ADAP2: variants seen among roughly 807,000 people sequenced by gnomAD.
ADAP2 encodes the protein ArfGAP with dual PH domains 2, also known as arf-GAP with dual PH domain-containing protein 2.
Under a neutral mutation model 54.9 loss-of-function variants are expected in ADAP2, and 42 were observed. The ratio of observed to expected loss-of-function variants is 0.77; its 90% CI spans 0.60 to 0.99. The LOEUF is 0.99. Among genes scored for constraint, ADAP2 ranks in the 50% least tolerant of loss-of-function variants. The pLI is 0.00. For synonymous variants in ADAP2, 177 were observed against 180.1 expected, an observed-to-expected ratio of 0.98 and a Z score of 0.14; for missense variants, 429 against 480.4, an observed-to-expected ratio of 0.89 and a Z score of 1.00.
intron 8 of ADAP2, 80 bp downstream of exon 8, chr17:30,953,430 A>G: frequency 6.9e-7 from 1 of 1,454,232 alleles, no homozygotes; most frequent in Middle Eastern, 1.7e-4. Context: ...GATGATTGTT[A>G]AGAGGACAGT....
At position 30,956,392 on chromosome 17, in the gene ADAP2, G is replaced by T. The variant is rs754179444; in HGVS notation, c.1034G>T (p.Ser345Ile). Residue 345 changes from serine to isoleucine, a missense_variant, in exon 10 of 11, where the codon AGT (serine) becomes ATT (isoleucine). Ser to Ile is a moderately radical substitution (Grantham distance 142). Transcript: ENST00000330889. Reference sequence around the variant, plus strand: ...CGGAGATTTGTCCTCACTTGCCCCAGTGAGAAGGAACAGCAGGAATGGCTG... The same window carrying T: ...CGGAGATTTGTCCTCACTTGCCCCATTGAGAAGGAACAGCAGGAATGGCTG... Reference protein sequence around the residue: ...PERRFVLTCPSEKEQQEWLES... With the variant: ...PERRFVLTCPIEKEQQEWLES... 1.2e-6 allele frequency: 2 copies of T among 1,614,110 alleles called. No individual in the cohort carries two copies. The highest frequency in any genetic ancestry group is 2.7e-5 in the African/African-American group (2 of 74,938).
At chr17:30,934,510 A>G (rs1292151734) in intron 5 of ADAP2, among the ~76,000 whole-genome samples, 3 of 152,226 alleles carry the variant, frequency 2.0e-5, no homozygotes. Flanking sequence ...AGATAGGTCC[A>G]TGTTTAAGCC....
chr17:30,940,621 T>A (rs1433897623), intron 5 of ADAP2, among the ~76,000 whole-genome samples: 2 of 152,146 alleles, frequency 1.3e-5, no homozygotes, highest in African/African-American at 2.4e-5. Flanking sequence ...ACAGATTTTT[T>A]AAGATTAGAA....
intron 10 of ADAP2, among the ~76,000 whole-genome samples, chr17:30,957,169 T>A (rs780459856): frequency 2.0e-5 from 3 of 152,166 alleles, no homozygotes; most frequent in African/African-American, 7.2e-5. Context: ...CTGACTGATA[T>A]AAACACAGAC....
At chr17:30,957,027 C>A in intron 10 of ADAP2, 1 of 156,832 alleles carries the variant, frequency 6.4e-6, no homozygotes, top group Admixed American at 6.1e-5. Flanking sequence ...ACATGCCGAG[C>A]TCCGGCAGGA....
chr17:30,958,068 G>A lies in ADAP2; in HGVS notation c.*199G>A, dbSNP rs1905197841. 1 of 617,262 alleles carries A rather than the reference G, an allele frequency of 1.6e-6. No individual in the cohort carries two copies. Among genetic ancestry groups the A allele is most frequent in the African/African-American group, 1.8e-5 (1 of 54,722 alleles). 38.2% of individuals were successfully genotyped at this position (617,262 alleles called of 1,614,324 possible). A position where few individuals can be genotyped will look rare whatever the true frequency, so the allele number is the denominator to read the frequency against. On this transcript the variant is annotated 3_prime_UTR_variant, in exon 11 of 11. Transcript: ENST00000330889. ...CCCGCAACCCACCTCGGGGATCTGAGGATCTGGTGCATAGATGAACATCTA... is the reference window on the plus strand; with the variant it reads ...CCCGCAACCCACCTCGGGGATCTGAAGATCTGGTGCATAGATGAACATCTA...
At chr17:30,929,059 A>C (rs1911293119) in intron 3 of ADAP2, among the ~76,000 whole-genome samples, 1 of 152,208 alleles carries the variant, frequency 6.6e-6, no homozygotes, top group Non-Finnish European at 1.5e-5. Context: ...GACAATTAAG[A>C]GCTAGTAATG....
At chr17:30,945,820 C>CCTG (rs1055334739) in intron 6 of ADAP2, among the ~76,000 whole-genome samples, 5 of 149,008 alleles carry the variant, frequency 3.4e-5, no homozygotes, top group Non-Finnish European at 7.4e-5. Context: ...TGAGGCCCAC[C>CCTG]CTGGAGCTAC....
chr17:30,923,744 A>C (rs1426557148), intron 2 of ADAP2, among the ~76,000 whole-genome samples: 37 of 112,870 alleles, frequency 3.3e-4, no homozygotes, highest in African/African-American at 1.3e-3. Flanking sequence ...CTTGTCGCCC[A>C]GGCTGGAGTG....
rs778201110 is a variant in ADAP2, at chr17:30,956,322, C to T, written c.964C>T (p.Arg322Ter). 3 of 1,614,182 alleles carry T rather than the reference C, an allele frequency of 1.9e-6. No homozygotes were observed. The highest frequency in any genetic ancestry group is 2.5e-6 in the Non-Finnish European group (3 of 1,180,046). The change falls in exon 10 of 11, where the codon CGA (arginine) becomes TGA (stop). Residue 322 changes from arginine to a stop codon, truncating the protein, a stop_gained. Coordinates refer to ENST00000330889, the MANE Select transcript of ADAP2 (RefSeq NM_018404.3). LOFTEE classifies it high-confidence loss of function. The part of the protein sequence containing the change: ...EAYEDLPKGI[R>*]GNRWKAGLTI... ...CTACGAAGACCTGCCCAAGGGCATC[C>T]GAGGAAATCGCTGGAAAGCCGGACT...
At chr17:30,939,766 A>T (rs540454170) in intron 5 of ADAP2, among the ~76,000 whole-genome samples, 27 of 143,380 alleles carry the variant, frequency 1.9e-4, no homozygotes, top group Non-Finnish European at 3.2e-4. Context: ...GCAAAATTCC[A>T]TTTCCAAAAA....
intron 5 of ADAP2, among the ~76,000 whole-genome samples, chr17:30,942,943 T>G (rs1912379644): frequency 6.6e-6 from 1 of 152,254 alleles, no homozygotes; most frequent in Admixed American, 6.5e-5. Flanking sequence ...TTTACACACT[T>G]GTGGCAGGAA....
intron 3 of ADAP2, among the ~76,000 whole-genome samples, chr17:30,930,029 T>G (rs775257034): frequency 6.6e-6 from 1 of 151,358 alleles, no homozygotes; most frequent in Non-Finnish European, 1.5e-5. Flanking sequence ...GACTCTTGAT[T>G]GTAAGCGACA....
intron 4 of ADAP2, 54 bp downstream of exon 4, chr17:30,932,022 A>G (rs1402002257): frequency 6.5e-7 from 1 of 1,532,084 alleles, no homozygotes; most frequent in African/African-American, 1.4e-5. Context: ...GCTCTAGAAA[A>G]ACCAAGTGCC....
rs182233473 is a variant in ADAP2, at chr17:30,927,342, G to A, written c.317+424G>A. ...AATATGTCTAGAGCTGGCCAGGCAC[G>A]GTGGCTCAGGCCTGTAATCCCAGCA... On this transcript the variant is annotated intron_variant, in intron 3 of 10. Coordinates refer to ENST00000330889, the MANE Select transcript of ADAP2 (RefSeq NM_018404.3). 3.0e-3 allele frequency among the ~76,000 whole-genome samples: 449 copies of A among 152,098 alleles called. 1 individual carries two copies. Among genetic ancestry groups the A allele is most frequent in the African/African-American group, 9.8e-3 (408 of 41,502 alleles).
At position 30,953,423 on chromosome 17, in the gene ADAP2, G is replaced by A. The variant is rs2232276; in HGVS notation, c.804+73G>A. 4.0e-3 allele frequency: 5,921 copies of A among 1,480,714 alleles called. 207 individuals are homozygous for A. The African/African-American group carries it at 0.074, about 18-fold the overall frequency. The allele number at this position is 1,480,714 out of a possible 1,614,324, so 91.7% of individuals were successfully genotyped here. On this transcript the variant is annotated intron_variant, in intron 8 of 10. Transcript: ENST00000330889. ...AGAAGGTTTCATGTGTTTATGGGAT[G>A]ATTGTTAAGAGGACAGTGAAAGGTG...
At chr17:30,940,351 C>T (rs1471837150) in intron 5 of ADAP2, among the ~76,000 whole-genome samples, 1 of 151,316 alleles carries the variant, frequency 6.6e-6, no homozygotes, top group Non-Finnish European at 1.5e-5. Flanking sequence ...ATCGCCCAGG[C>T]TGGAGTACAG....
At chr17:30,939,750 G>GA in intron 5 of ADAP2, among the ~76,000 whole-genome samples, 1 of 123,988 alleles carries the variant, frequency 8.1e-6, no homozygotes, top group East Asian at 2.4e-4. Flanking sequence ...CAGCCTGGGC[G>GA]AAAGAGCAAA....
At chr17:30,941,286 A>AT (rs1912251714) in intron 5 of ADAP2, among the ~76,000 whole-genome samples, 2 of 152,106 alleles carry the variant, frequency 1.3e-5, no homozygotes, top group Non-Finnish European at 2.9e-5. Context: ...GAACAAGATG[A>AT]TTTTTTTCAT....
Sources: gnomAD v4.1 joint callset for allele counts (sites outside exome capture counted in the v4.1 genomes callset) on GRCh38, gnomAD v4.1.1 for gene constraint, MANE v1.5 for transcripts, NCBI Gene and HGNC (gene_info 2026-07-23, HGNC 2026-07-21) for gene names.